Variants in NAALADL2 observed in about 807,000 individuals in gnomAD.
The protein encoded by NAALADL2 is inactive N-acetylated-alpha-linked acidic dipeptidase-like protein 2.
NAALADL2 carries 76 observed loss-of-function variants against 87.2 expected under a neutral mutation model. That is an observed-to-expected ratio of 0.87 (90% CI 0.72 to 1.05). The LOEUF is 1.05. Ranked by LOEUF, NAALADL2 falls within the 50% of genes least tolerant of loss-of-function variation. The pLI, the probability that NAALADL2 is intolerant of heterozygous loss-of-function variation, is 0.00. For missense variants in NAALADL2, 1,089 were observed against 945.8 expected (o/e 1.15, Z -1.99); for synonymous variants, 354 against 331.0 (o/e 1.07, Z -0.75).
chr3:175,094,725 C>T (rs1396942204), intron 1 of NAALADL2, among the ~76,000 whole-genome samples: 2 of 121,004 alleles, frequency 1.7e-5, no homozygotes, highest in African/African-American at 3.5e-5. Flanking sequence ...TACACATAGA[C>T]TAAATGTTAA....
At chr3:174,757,156 T>C (rs1420611732) in intron 3 of NAALADL2, among the ~76,000 whole-genome samples, 1 of 152,238 alleles carries the variant, frequency 6.6e-6, no homozygotes, top group Non-Finnish European at 1.5e-5. Flanking sequence ...TCAACTGCCT[T>C]TGCTAAGCAG....
chr3:175,091,310 A>C (rs1387355175), intron 1 of NAALADL2, among the ~76,000 whole-genome samples: 2 of 152,126 alleles, frequency 1.3e-5, no homozygotes, highest in Non-Finnish European at 2.9e-5. Context: ...TTTCTAAGAA[A>C]TGCCTTTGCC....
chr3:175,431,187 G>A (rs999941822), intron 5 of NAALADL2, among the ~76,000 whole-genome samples: 4 of 151,996 alleles, frequency 2.6e-5, no homozygotes, highest in Admixed American at 2.0e-4. Flanking sequence ...AACATACTGT[G>A]AGAAAGTGAG....
chr3:174,658,940 C>T (rs1296412638), intron 2 of NAALADL2, among the ~76,000 whole-genome samples: 1 of 152,132 alleles, frequency 6.6e-6, no homozygotes, highest in African/African-American at 2.4e-5. Context: ...TCTCTCATTA[C>T]ACTATATTTC....
intron 2 of NAALADL2, among the ~76,000 whole-genome samples, chr3:174,688,908 G>A (rs1356479316): frequency 1.3e-5 from 2 of 151,860 alleles, no homozygotes; most frequent in African/African-American, 2.4e-5. Context: ...TAATTTTGGA[G>A]TTTGAATATA....
intron 3 of NAALADL2, among the ~76,000 whole-genome samples, chr3:175,246,471 T>C (rs1374222684): frequency 6.6e-6 from 1 of 152,134 alleles, no homozygotes; most frequent in Non-Finnish European, 1.5e-5. Context: ...TGGTTGAAAA[T>C]GTCAAGTCTA....
At chr3:174,888,527 C>T (rs1367781387) in intron 1 of NAALADL2, among the ~76,000 whole-genome samples, 1 of 152,156 alleles carries the variant, frequency 6.6e-6, no homozygotes, top group African/African-American at 2.4e-5. Flanking sequence ...GTTTTTATTC[C>T]ATCCCATATT....
intron 5 of NAALADL2, among the ~76,000 whole-genome samples, chr3:175,404,116 A>G (rs929105025): frequency 6.6e-6 from 1 of 152,098 alleles, no homozygotes; most frequent in African/African-American, 2.4e-5. Context: ...TGAATTATAT[A>G]AAGCCACAAT....
intron 5 of NAALADL2, among the ~76,000 whole-genome samples, chr3:175,419,905 A>T (rs1357119586): frequency 6.6e-6 from 1 of 152,024 alleles, no homozygotes; most frequent in East Asian, 1.9e-4. Flanking sequence ...ACAAGCAGTT[A>T]TAGTAGAAGG....
intron 3 of NAALADL2, among the ~76,000 whole-genome samples, chr3:174,782,463 A>C (rs939823014): frequency 1.3e-5 from 2 of 152,064 alleles, no homozygotes; most frequent in African/African-American, 4.8e-5. Flanking sequence ...ATACAACAAG[A>C]TGAAAAATTT....
intron 1 of NAALADL2, among the ~76,000 whole-genome samples, chr3:174,482,826 T>C (rs1717640638): frequency 6.6e-6 from 1 of 152,086 alleles, no homozygotes; most frequent in Non-Finnish European, 1.5e-5. Flanking sequence ...AACACTCATA[T>C]ATGGAACACA....
intron 5 of NAALADL2, among the ~76,000 whole-genome samples, chr3:175,328,840 A>G (rs1000389556): frequency 1.3e-5 from 2 of 152,224 alleles, no homozygotes; most frequent in Admixed American, 1.3e-4. Flanking sequence ...TCAGAAAGAT[A>G]TGAGGTAAGC....
chr3:174,668,089 G>T lies in NAALADL2; in HGVS notation c.-114-69552G>T, dbSNP rs539153592. ...AGGTGTGAGGTGATATCTTCTTATG[G>T]TTTTGATTTGCATTTCTGTAATGAT... On this transcript the variant is annotated intron_variant, in intron 2 of 3. Coordinates refer to the NAALADL2 transcript ENST00000434257. Among the ~76,000 whole-genome samples, 14 of 152,052 alleles carry T rather than the reference G, an allele frequency of 9.2e-5. 1 individual carries two copies. In the South Asian group the frequency reaches 2.7e-3, roughly 29 times the overall value.
intron 10 of NAALADL2, among the ~76,000 whole-genome samples, chr3:175,593,552 A>G (rs972233987): frequency 2.0e-5 from 3 of 152,212 alleles, no homozygotes; most frequent in South Asian, 2.1e-4. Flanking sequence ...TCTGGAGACT[A>G]AAATTCCAAT....
intron 2 of NAALADL2, among the ~76,000 whole-genome samples, chr3:174,576,783 T>A (rs1230132986): frequency 9.9e-5 from 15 of 152,216 alleles, no homozygotes. Context: ...TTCCTTCATA[T>A]TTTAAGAGAA....
chr3:174,852,491 T>G (rs1164488697), intron 3 of NAALADL2, among the ~76,000 whole-genome samples: 2 of 152,082 alleles, frequency 1.3e-5, no homozygotes, highest in African/African-American at 4.8e-5. Context: ...TTAAATACTT[T>G]GGAATAAACT....
intron 1 of NAALADL2, among the ~76,000 whole-genome samples, chr3:175,006,882 A>G (rs1421693323): frequency 1.3e-5 from 2 of 151,346 alleles, no homozygotes; most frequent in Non-Finnish European, 2.9e-5. Flanking sequence ...TGACTTATGC[A>G]TTCTTATACG....
At chr3:175,177,878 A>T (rs1256854241) in intron 2 of NAALADL2, among the ~76,000 whole-genome samples, 1 of 151,874 alleles carries the variant, frequency 6.6e-6, no homozygotes, top group Non-Finnish European at 1.5e-5. Flanking sequence ...GTAAGCACCT[A>T]CAAAATAATC....
At position 175,324,324 on chromosome 3, in the gene NAALADL2, C is replaced by T. The variant is rs774362137; in HGVS notation, c.1089C>T (p.Val363=). The change falls in exon 5 of 14, where the codon GTC becomes GTT. Residue 363 remains valine (V), a splice_region_variant and synonymous_variant. Transcript: ENST00000454872. ...CTTCTACGCCTGGTTACCCAAGTGT[C>T]GGTAAGTTTGTTGGTCATCATTATT... The part of the protein sequence containing the change: ...GDPSTPGYPS[V]DESFRQSRSN... The T allele has an allele frequency of 3.7e-6, 6 of 1,607,994 alleles. No individual in the cohort carries two copies. The Admixed American group carries it at 5.1e-5, about 14-fold the overall frequency.
Sources: allele counts gnomAD v4.1 joint callset (sites outside exome capture counted in the v4.1 genomes callset), GRCh38; gene constraint gnomAD v4.1.1; transcripts MANE v1.5; gene names NCBI Gene and HGNC (gene_info 2026-07-23, HGNC 2026-07-21).